Variants in KMT2B observed in about 807,000 individuals in gnomAD.
KMT2B encodes the protein histone-lysine N-methyltransferase 2B.
KMT2B carries 22 observed loss-of-function variants against 255.3 expected under a neutral mutation model. The ratio of observed to expected loss-of-function variants is 0.09; its 90% CI spans 0.06 to 0.12. The LOEUF is 0.12. Among genes scored for constraint, KMT2B ranks in the 10% least tolerant of loss-of-function variants. The pLI is 1.00. For synonymous variants in KMT2B, 1,730 were observed against 1,498.1 expected (o/e 1.15, Z -3.57); for missense variants, 3,149 against 3,737.0 (o/e 0.84, Z 4.10).
chr19:35,728,570 G>A (rs778010102), intron 19 of KMT2B, among the ~76,000 whole-genome samples: 12 of 152,192 alleles, frequency 7.9e-5, no homozygotes, highest in Admixed American at 2.6e-4. Flanking sequence ...CAGAGCTGGG[G>A]AGGAAGAGTA....
chr19:35,738,491 C>A lies in KMT2B; in HGVS notation c.8082C>A (p.Ile2694=). Residue 2694 remains isoleucine, a synonymous_variant, in exon 37 of 37, where the codon ATC becomes ATA. Coordinates refer to ENST00000420124, the MANE Select transcript of KMT2B (RefSeq NM_014727.3). This position sits in a 1 kb window ranked among gnomAD's most constrained non-coding sequence, Gnocchi z 8.7. The stretch of plus-strand genomic sequence containing the variant: ...TCACCTACGACTACAAGTTCCCCAT[C>A]GAGGATGCCAGCAACAAGCTGCCCT... ...EELTYDYKFP[I]EDASNKLPCN... The A allele has an allele frequency of 6.2e-7, 1 of 1,614,114 alleles. No homozygotes were observed. Among genetic ancestry groups the A allele is most frequent in the Non-Finnish European group, 8.5e-7 (1 of 1,179,978 alleles).
In KMT2B at chr19:35,718,254, G is replaced by A; in HGVS notation, c.236G>A (p.Arg79Gln). ...RLLGLRRGLR[R>Q]LRRLWAGPRV... ...CTGGGGCTCCGCCGGGGCCTGCGCC[G>A]GCTCCGCCGCCTGTGGGCCGGCCCG... The change falls in exon 1 of 37, where the codon CGG becomes CAG. Residue 79 changes from arginine (R) to glutamine (Q), a missense_variant. By Grantham distance (43) the Arg-to-Gln change is conservative. Around this residue, in one of 18 missense-constraint regions of KMT2B, gnomAD observed 1,188 missense variants for 1,106.4 expected, o/e 1.07. Transcript: ENST00000420124. The surrounding 1 kb of genome is among the most constrained non-coding windows in gnomAD (Gnocchi z 5.0). 8.3e-7 allele frequency: 1 copy of A among 1,203,840 alleles called. No homozygotes were observed. 74.6% of individuals were successfully genotyped at this position (1,203,840 alleles called of 1,614,324 possible).
Position 35,737,913 on chromosome 19 carries a change from G to A in KMT2B, c.7713G>A (p.Lys2571=). 6.3e-7 allele frequency: 1 copy of A among 1,593,352 alleles called. No individual in the cohort carries two copies. The highest frequency in any genetic ancestry group is 8.6e-7 in the Non-Finnish European group (1 of 1,169,022). Residue 2571 remains lysine (K), a synonymous_variant, in exon 35 of 37, where the codon AAG becomes AAA. Coordinates refer to ENST00000420124, the MANE Select transcript of KMT2B (RefSeq NM_014727.3). The surrounding 1 kb of genome is among the most constrained non-coding windows in gnomAD (Gnocchi z 5.3). ...PMAMRFRHLK[K]TSKEAVGVYR... is the part of the protein sequence containing the mutation. ...CCATGCGTTTTCGTCACCTTAAGAA[G>A]ACGTCCAAAGAAGCTGTGGGTGTCT... is the stretch of plus-strand genomic sequence containing the variant.
Position 35,721,378 on chromosome 19 carries a change from T to G in KMT2B, c.2031T>G (p.Pro677=), listed in dbSNP as rs1176915863. The G allele has an allele frequency of 6.2e-7, 1 of 1,602,990 alleles. No individual in the cohort carries two copies. The highest frequency in any genetic ancestry group is 8.5e-7 in the Non-Finnish European group (1 of 1,175,870). The change falls in exon 3 of 37, where the codon CCT becomes CCG. Residue 677 remains proline (P), a synonymous_variant. Coordinates refer to ENST00000420124, the MANE Select transcript of KMT2B (RefSeq NM_014727.3). ...TPPPLGAPEA[P]EPEPPPADDS... is the part of the protein sequence containing the mutation. ...CTCCTCTTGGGGCTCCTGAAGCCCCTGAGCCAGAGCCTCCTCCTGCCGATG... is the reference window on the plus strand; with the variant it reads ...CTCCTCTTGGGGCTCCTGAAGCCCCGGAGCCAGAGCCTCCTCCTGCCGATG...
Position 35,733,303 on chromosome 19 carries a change from GCCCCGC to G in KMT2B, c.6762_6767del (p.Pro2258_Pro2259del). The G allele has an allele frequency of 2.2e-6, 3 of 1,340,060 alleles. No individual in the cohort carries two copies. The highest frequency in any genetic ancestry group is 3.1e-6 in the Non-Finnish European group (3 of 961,236). 83.0% of individuals were successfully genotyped at this position (1,340,060 alleles called of 1,614,324 possible). On this transcript the variant is annotated inframe_deletion, in exon 28 of 37. Transcript: ENST00000420124. The surrounding 1 kb of genome is among the most constrained non-coding windows in gnomAD (Gnocchi z 4.3). ...GCCCGTGGTCGGAGTGGTCCGCCCT[GCCCCGC>G]CCCCGCCACCCCCTCCCCTGACGCT...
rs1203293378 is a variant in KMT2B at position 35,737,739 on chromosome 19, A to T, written c.7654A>T (p.Thr2552Ser). ...EEEDEVQLRS[T>S]RRATSLELPM... ...AGAGGATGAGGTGCAGCTCAGGTCAACCAGGTATGGAGTGTGAGCTGGGGG... is the reference window on the plus strand; with the variant it reads ...AGAGGATGAGGTGCAGCTCAGGTCATCCAGGTATGGAGTGTGAGCTGGGGG... Residue 2552 changes from threonine to serine, a missense_variant, in exon 34 of 37, where the codon ACC becomes TCC. Transcript: ENST00000420124. This position sits in a 1 kb window ranked among gnomAD's most constrained non-coding sequence, Gnocchi z 5.3. 1.3e-6 allele frequency: 2 copies of T among 1,576,366 alleles called. No individual in the cohort carries two copies. Among genetic ancestry groups the T allele is most frequent in the East Asian group, 2.3e-5 (1 of 43,098 alleles).
At chr19:35,730,163 CCT>C in intron 23 of KMT2B, 38 bp downstream of exon 23, 1 of 1,611,910 alleles carries the variant, frequency 6.2e-7, no homozygotes, top group Non-Finnish European at 8.5e-7. Context: ...TCCTTCCCCA[CCT>C]CTCTTCCTGT....
rs1323706648 is a variant in KMT2B at position 35,725,545 on chromosome 19, C to T, written c.3709C>T (p.Leu1237=). 1.9e-6 allele frequency: 3 copies of T among 1,611,126 alleles called. No individual in the cohort carries two copies. The highest frequency in any genetic ancestry group is 1.6e-4 in the Middle Eastern group (1 of 6,062). Residue 1237 remains leucine, a synonymous_variant, in exon 12 of 37, where the codon CTG becomes TTG. Transcript: ENST00000420124. This position sits in a 1 kb window ranked among gnomAD's most constrained non-coding sequence, Gnocchi z 4.1. ...PFCLEEAERP[L]PQHHDTWCCR... ...CTGCCTGGAGGAGGCCGAGCGGCCC[C>T]TGCCCCAGCATCACGACACCTGGTG...
chr19:35,737,156 A>G lies in KMT2B; in HGVS notation c.7443A>G (p.Gly2481=), dbSNP rs774760484. 5 of 1,610,128 alleles carry G rather than the reference A, an allele frequency of 3.1e-6. No homozygotes were observed. Among genetic ancestry groups the G allele is most frequent in the Non-Finnish European group, 3.4e-6 (4 of 1,178,048 alleles). ...TCTTCCTGGCCGAGCAGCTCCCCGG[A>G]GCCCAGCGTTGCCAGCACTATAAGT... ...AVIFLAEQLP[G]AQRCQHYKFR... Residue 2481 remains glycine, a synonymous_variant, in exon 33 of 37, where the codon GGA becomes GGG. Coordinates refer to ENST00000420124, the MANE Select transcript of KMT2B (RefSeq NM_014727.3). The surrounding 1 kb of genome is among the most constrained non-coding windows in gnomAD (Gnocchi z 5.3).
chr19:35,724,569 AT>A, intron 8 of KMT2B, 67 bp from the exon 9 acceptor site: 7 of 1,308,574 alleles, frequency 5.3e-6, no homozygotes, highest in Non-Finnish European at 7.6e-6. Context: ...TCCAGGTAAC[AT>A]TTGGGGTTGT....
Position 35,720,949 on chromosome 19 carries a change from C to G in KMT2B, c.1602C>G (p.Ala534=), listed in dbSNP as rs965503785. ...IRQFIMPVVS[A]RSSRVIKTPR... is the part of the protein sequence containing the mutation. Reference sequence around the variant, plus strand: ...AGTTTATTATGCCTGTGGTGAGTGCCCGCTCCTCCCGTGTCATCAAGACAC... The same window carrying G: ...AGTTTATTATGCCTGTGGTGAGTGCGCGCTCCTCCCGTGTCATCAAGACAC... Residue 534 remains alanine (A), a synonymous_variant, in exon 3 of 37, where the codon GCC becomes GCG. Transcript: ENST00000420124. 2 of 1,611,930 alleles carry G rather than the reference C, an allele frequency of 1.2e-6. No homozygotes were observed. The highest frequency in any genetic ancestry group is 1.7e-6 in the Non-Finnish European group (2 of 1,179,302).
At position 35,730,426 on chromosome 19, in the gene KMT2B, A is replaced by T. The variant is rs1969646915; in HGVS notation, c.5161A>T (p.Thr1721Ser). Residue 1721 changes from threonine to serine, a missense_variant, in exon 24 of 37, where the codon ACG becomes TCG. Coordinates refer to ENST00000420124, the MANE Select transcript of KMT2B (RefSeq NM_014727.3). ...CATCAACTTCAAGCGGAAGTTCTTG[A>T]CGGGGCTTGAACCCGATGCCATCAA... ...EGINFKRKFL[T>S]GLEPDAINVL... 6.2e-7 allele frequency: 1 copy of T among 1,613,632 alleles called. No individual in the cohort carries two copies. Among genetic ancestry groups the T allele is most frequent in the South Asian group, 1.1e-5 (1 of 91,084 alleles).
In KMT2B at chr19:35,718,073, C is replaced by T. The variant is rs1969022630; in HGVS notation, c.55C>T (p.Arg19Cys). 7 of 987,132 alleles carry T rather than the reference C, an allele frequency of 7.1e-6. No individual in the cohort carries two copies. Among genetic ancestry groups the T allele is most frequent in the Non-Finnish European group, 6.0e-6 (5 of 832,500 alleles). 61.1% of individuals were successfully genotyped at this position (987,132 alleles called of 1,614,324 possible). Residue 19 changes from arginine to cysteine, a missense_variant, in exon 1 of 37, where the codon CGC becomes TGC. Physicochemically the swap from Arg to Cys is radical, Grantham distance 180. This residue lies in a region of KMT2B where 10 missense variants were observed against 26.9 expected (regional missense o/e 0.37). Coordinates refer to ENST00000420124, the MANE Select transcript of KMT2B (RefSeq NM_014727.3). The surrounding 1 kb of genome is among the most constrained non-coding windows in gnomAD (Gnocchi z 5.0). ...SCPGPGSARG[R>C]FPGRPRGAGG... ...CCCCGGGCCTGGCTCCGCGCGGGGC[C>T]GCTTCCCGGGCCGGCCGCGGGGCGC...
rs1599675413 is a variant in KMT2B at position 35,722,888 on chromosome 19, C to T, written c.2723-107C>T. On this transcript the variant is annotated intron_variant, in intron 5 of 36. Transcript: ENST00000420124. ...CAACTTCATTTGGGGGCACCAGGAA[C>T]CTGGCGCTGTGAGAAAGCGAGAGCC... is the stretch of plus-strand genomic sequence containing the variant. 4 of 1,431,530 alleles carry T rather than the reference C, an allele frequency of 2.8e-6. No individual in the cohort carries two copies. The South Asian group carries it at 5.9e-5, about 21-fold the overall frequency. 88.7% of individuals were successfully genotyped at this position (1,431,530 alleles called of 1,614,324 possible).
intron 26 of KMT2B, 131 bp from the exon 27 acceptor site, chr19:35,731,777 T>C (rs1969703392): frequency 4.1e-6 from 3 of 730,694 alleles, no homozygotes. Flanking sequence ...GGGTGGTCAC[T>C]GGAAACTGGG....
rs769290434 is a variant in KMT2B, at chr19:35,727,475, G to A, written c.4155G>A (p.Ser1385=). The A allele has an allele frequency of 9.9e-6, 16 of 1,612,814 alleles. No individual in the cohort carries two copies. Among genetic ancestry groups the A allele is most frequent in the Admixed American group, 6.7e-5 (4 of 60,018 alleles). Residue 1385 remains serine, a synonymous_variant, in exon 16 of 37, where the codon TCG becomes TCA. Coordinates refer to ENST00000420124, the MANE Select transcript of KMT2B (RefSeq NM_014727.3). This position sits in a 1 kb window ranked among gnomAD's most constrained non-coding sequence, Gnocchi z 4.2. The part of the protein sequence containing the change: ...DYEILSGLPD[S]VLYTCGPCAG... The stretch of plus-strand genomic sequence containing the variant: ...AGATCCTTTCAGGACTGCCAGACTC[G>A]GTGCTGTACACCTGCGGACCGTGTG...
rs1969485401 is a variant in KMT2B at position 35,727,095 on chromosome 19, A to G, written c.4004-61A>G. ...TAAGGTACTGCTAATCCTTGAACAGAGACACTCAGGGCTGAGTGGGAACTC... is the reference window on the plus strand; with the variant it reads ...TAAGGTACTGCTAATCCTTGAACAGGGACACTCAGGGCTGAGTGGGAACTC... On this transcript the variant is annotated intron_variant, in intron 14 of 36. Transcript: ENST00000420124. This position sits in a 1 kb window ranked among gnomAD's most constrained non-coding sequence, Gnocchi z 4.2. The G allele has an allele frequency of 8.4e-7, 1 of 1,196,080 alleles. No homozygotes were observed. The highest frequency in any genetic ancestry group is 2.0e-5 in the Admixed American group (1 of 49,972). 74.1% of individuals were successfully genotyped at this position (1,196,080 alleles called of 1,614,324 possible).
chr19:35,721,951 G>T, intron 3 of KMT2B, 147 bp downstream of exon 3: 1 of 1,117,520 alleles, frequency 8.9e-7, no homozygotes, highest in Non-Finnish European at 1.2e-6. Context: ...ACCTTCCTTT[G>T]TTCCTCCCCA....
Position 35,720,842 on chromosome 19 carries a change from C to A in KMT2B, c.1495C>A (p.Pro499Thr). The A allele has an allele frequency of 6.4e-7, 1 of 1,561,646 alleles. No homozygotes were observed. ...GGGCACCTCTCCTCCCACTCCAACCCCCAGCACCGCCACGGGAGGCCCTCC... is the reference window on the plus strand; with the variant it reads ...GGGCACCTCTCCTCCCACTCCAACCACCAGCACCGCCACGGGAGGCCCTCC... ...PEGTSPPTPT[P>T]STATGGPPED... The change falls in exon 3 of 37, where the codon CCC becomes ACC. Residue 499 changes from proline to threonine, a missense_variant. Pro to Thr is a conservative substitution (Grantham distance 38, BLOSUM62 -1). This residue lies in a region of KMT2B where 1,188 missense variants were observed against 1,106.4 expected (regional missense o/e 1.07). Transcript: ENST00000420124.
Sources: allele counts gnomAD v4.1 joint callset (sites outside exome capture counted in the v4.1 genomes callset), GRCh38; gene constraint gnomAD v4.1.1; regional missense constraint gnomAD v4.1.1; non-coding constraint Gnocchi (gnomAD v3.1); transcripts MANE v1.5; gene names NCBI Gene and HGNC (gene_info 2026-07-23, HGNC 2026-07-21).